CNTN5: variants seen among roughly 807,000 people sequenced by gnomAD.
CNTN5 encodes contactin-5.
Under a neutral mutation model 129.1 loss-of-function variants are expected in CNTN5, and 77 were observed. That is an observed-to-expected ratio of 0.60 (90% CI 0.50 to 0.72). CNTN5 has a LOEUF of 0.72. CNTN5 is among the 30% of genes least tolerant of loss of function. The pLI, the probability that CNTN5 is intolerant of heterozygous loss-of-function variation, is 0.00. For missense variants in CNTN5, 1,478 were observed against 1,328.8 expected (o/e 1.11, Z -1.75); for synonymous variants, 509 against 465.6 (o/e 1.09, Z -1.20).
chr11:100,046,328 C>G (rs1168150849), intron 9 of CNTN5, among the ~76,000 whole-genome samples: 1 of 152,170 alleles, frequency 6.6e-6, no homozygotes, highest in Non-Finnish European at 1.5e-5. Context: ...AATTTTGAAG[C>G]TCACTGCATG....
At chr11:99,918,961 C>T (rs376809625) in intron 7 of CNTN5, among the ~76,000 whole-genome samples, 1 of 152,118 alleles carries the variant, frequency 6.6e-6, no homozygotes, top group South Asian at 2.1e-4. Flanking sequence ...CATTCCTGCA[C>T]CTTTCAAGTT....
chr11:99,530,986 C>T (rs185617661), intron 2 of CNTN5, among the ~76,000 whole-genome samples: 9 of 152,228 alleles, frequency 5.9e-5, no homozygotes, highest in African/African-American at 7.2e-5. Flanking sequence ...AAAAGATACC[C>T]GAAACTGGGG....
chr11:99,422,355 CTAATT>C (rs1942926215), intron 2 of CNTN5, among the ~76,000 whole-genome samples: 1 of 151,490 alleles, frequency 6.6e-6, no homozygotes, highest in Admixed American at 6.6e-5. Context: ...AACTCACTCT[CTAATT>C]TAGTCTCCAA....
intron 1 of CNTN5, among the ~76,000 whole-genome samples, chr11:99,183,168 C>T (rs1399579846): frequency 1.3e-5 from 2 of 152,126 alleles, no homozygotes; most frequent in Non-Finnish European, 2.9e-5. Flanking sequence ...ACTAACCTTT[C>T]ACTAAAGATG....
chr11:99,475,584 T>A (rs750090124), intron 2 of CNTN5, among the ~76,000 whole-genome samples: 1 of 152,172 alleles, frequency 6.6e-6, no homozygotes, highest in East Asian at 1.9e-4. Flanking sequence ...TCTTATTCTC[T>A]GATTTAAACT....
chr11:100,134,734 C>T (rs1336240850), intron 13 of CNTN5, among the ~76,000 whole-genome samples: 1 of 152,108 alleles, frequency 6.6e-6, no homozygotes, highest in Non-Finnish European at 1.5e-5. Flanking sequence ...TACCAATCTG[C>T]CTAAATTTGA....
intron 2 of CNTN5, among the ~76,000 whole-genome samples, chr11:99,414,385 T>C (rs939519914): frequency 1.3e-5 from 2 of 152,118 alleles, no homozygotes; most frequent in African/African-American, 4.8e-5. Flanking sequence ...AATAAGTGCC[T>C]GCTGAGTGCC....
chr11:99,875,379 T>G (rs746212745), intron 6 of CNTN5, among the ~76,000 whole-genome samples: 1 of 152,182 alleles, frequency 6.6e-6, no homozygotes, highest in Non-Finnish European at 1.5e-5. Context: ...AGTTGATTAT[T>G]AAAACACTCT....
chr11:99,712,522 T>C (rs958941858), intron 3 of CNTN5, among the ~76,000 whole-genome samples: 8 of 151,928 alleles, frequency 5.3e-5, no homozygotes, highest in African/African-American at 1.9e-4. Context: ...GTTGTCATTG[T>C]TTTTGGTGTT....
At chr11:99,827,723 T>C (rs556180364) in intron 4 of CNTN5, among the ~76,000 whole-genome samples, 1 of 152,322 alleles carries the variant, frequency 6.6e-6, no homozygotes, top group South Asian at 2.1e-4. Flanking sequence ...TATTAACAGA[T>C]TGGCTCTAAA....
intron 1 of CNTN5, among the ~76,000 whole-genome samples, chr11:99,236,664 TG>T (rs1861287120): frequency 1.3e-5 from 2 of 152,220 alleles, no homozygotes; most frequent in South Asian, 4.1e-4. Flanking sequence ...ATTAGAAGAG[TG>T]GCCAAGTCAT....
chr11:99,708,962 T>G (rs866172804), intron 3 of CNTN5, among the ~76,000 whole-genome samples: 3 of 151,822 alleles, frequency 2.0e-5, no homozygotes, highest in Non-Finnish European at 4.4e-5. Flanking sequence ...CTAATACCTA[T>G]GTATCCATTC....
At chr11:99,615,405 A>T (rs1362188077) in intron 3 of CNTN5, among the ~76,000 whole-genome samples, 2 of 152,174 alleles carry the variant, frequency 1.3e-5, no homozygotes, top group African/African-American at 4.8e-5. Context: ...CAACTTTTTA[A>T]GAAGAATTTT....
chr11:100,179,734 C>G (rs1948079835), intron 13 of CNTN5, among the ~76,000 whole-genome samples: 1 of 151,918 alleles, frequency 6.6e-6, no homozygotes, highest in Non-Finnish European at 1.5e-5. Flanking sequence ...CCATATTGAA[C>G]TAAAAATAAT....
chr11:99,824,942 A>G (rs1049183379), intron 4 of CNTN5, among the ~76,000 whole-genome samples: 10 of 151,976 alleles, frequency 6.6e-5, no homozygotes, highest in African/African-American at 2.4e-4. Flanking sequence ...TAGATCTCAT[A>G]CAGTTTTTGT....
At chr11:99,291,794 G>A (rs1026518857) in intron 1 of CNTN5, among the ~76,000 whole-genome samples, 1 of 151,956 alleles carries the variant, frequency 6.6e-6, no homozygotes, top group African/African-American at 2.4e-5. Context: ...GAGCTTAGTG[G>A]ATTCACACTG....
chr11:99,639,273 T>A (rs1395311982), intron 3 of CNTN5, among the ~76,000 whole-genome samples: 1 of 152,244 alleles, frequency 6.6e-6, no homozygotes, highest in Non-Finnish European at 1.5e-5. Context: ...ACAGAGACCC[T>A]GGGCCTGGCC....
At chr11:99,920,603 C>G (rs1480787775) in intron 7 of CNTN5, among the ~76,000 whole-genome samples, 1 of 152,088 alleles carries the variant, frequency 6.6e-6, no homozygotes, top group Non-Finnish European at 1.5e-5. Context: ...CAGAGCCATT[C>G]TTCACTTCTC....
chr11:100,147,877 C>T (rs1333382965), intron 13 of CNTN5, among the ~76,000 whole-genome samples: 1 of 152,234 alleles, frequency 6.6e-6, no homozygotes, highest in Admixed American at 6.5e-5. Flanking sequence ...TCACTGATGA[C>T]ATTTACGTCT....
Sources: allele counts gnomAD v4.1 joint callset (sites outside exome capture counted in the v4.1 genomes callset), GRCh38; gene constraint gnomAD v4.1.1; transcripts MANE v1.5; gene names NCBI Gene and HGNC (gene_info 2026-07-23, HGNC 2026-07-21).